BRK1: variants seen among roughly 807,000 people sequenced by gnomAD.
The protein encoded by BRK1 is BRICK1 subunit of SCAR/WAVE actin nucleating complex, also known as protein BRICK1.
A neutral mutation model predicts 9.9 loss-of-function variants in BRK1; 6 were observed. That is an observed-to-expected ratio of 0.60 (90% CI 0.33 to 1.19). BRK1 has a LOEUF of 1.19. Ranked by LOEUF, BRK1 falls within the 50% of genes most tolerant of loss-of-function variation. BRK1 has a pLI of 0.04. For synonymous variants in BRK1, 44 were observed against 31.9 expected (o/e 1.38, Z -1.28); for missense variants, 62 against 97.5 (o/e 0.64, Z 1.53).
Position 10,119,699 on chromosome 3 carries a change from A to G in BRK1, c.118+3880A>G, listed in dbSNP as rs576068205. Reference sequence around the variant, plus strand: ...ATACAAATCGTAATGTAGCAAAAATATCATAACACTAGGCCTATTTTGCAC... The same window carrying G: ...ATACAAATCGTAATGTAGCAAAAATGTCATAACACTAGGCCTATTTTGCAC... On this transcript the variant is annotated intron_variant, in intron 1 of 2. Transcript: ENST00000530758. 9.9e-5 allele frequency among the ~76,000 whole-genome samples: 15 copies of G among 152,218 alleles called. No individual in the cohort carries two copies. The South Asian group carries it at 2.9e-3, about 29-fold the overall frequency.
intron 1 of BRK1, among the ~76,000 whole-genome samples, chr3:10,123,889 C>T (rs1695800014): frequency 1.3e-5 from 2 of 151,518 alleles, no homozygotes; most frequent in Admixed American, 1.3e-4. Flanking sequence ...GCACCCGCCA[C>T]CACACCCAGC....
intron 1 of BRK1, 117 bp from the exon 2 acceptor site, chr3:10,125,488 CTATGAGTGGATCTTAGCACTG>C: frequency 1.7e-6 from 1 of 580,290 alleles, no homozygotes; most frequent in Non-Finnish European, 3.1e-6. Context: ...AGCAACTGTG[CTATGAGTGGATCTTAGCACTG>C]TATCCATTTC....
intron 2 of BRK1, 86 bp downstream of exon 2, chr3:10,125,794 G>T: frequency 9.7e-7 from 1 of 1,028,818 alleles, no homozygotes; most frequent in South Asian, 1.5e-5. Context: ...AACAGTCTTA[G>T]GAAACTTAAG....
intron 1 of BRK1, among the ~76,000 whole-genome samples, chr3:10,122,856 A>C (rs1043668542): frequency 5.3e-5 from 8 of 152,236 alleles, no homozygotes; most frequent in African/African-American, 1.9e-4. Context: ...AAGATGAGTA[A>C]GATTTGGACA....
At position 10,115,721 on chromosome 3, in the gene BRK1, C is replaced by T. The variant is rs915153051; in HGVS notation, c.20C>T (p.Pro7Leu). Residue 7 changes from proline to leucine, a missense_variant, in exon 1 of 3, where the codon CCG (proline) becomes CTG (leucine). Transcript: ENST00000530758. ...GCGGCCATGGCGGGACAGGAGGATC[C>T]GGTGCAGCGGGAGATTCACCAGGAC... Reference protein sequence around the residue: MAGQEDPVQREIHQDWA... With the variant: MAGQEDLVQREIHQDWA... 7 of 1,613,762 alleles carry T rather than the reference C, an allele frequency of 4.3e-6. No homozygotes were observed. The highest frequency in any genetic ancestry group is 1.3e-5 in the African/African-American group (1 of 74,936).
chr3:10,125,840 C>T (rs1695832340), intron 2 of BRK1, 132 bp downstream of exon 2: 1 of 641,830 alleles, frequency 1.6e-6, no homozygotes, highest in Non-Finnish European at 2.7e-6. Flanking sequence ...CCTGTAATCC[C>T]AGCACTTTGG....
intron 1 of BRK1, among the ~76,000 whole-genome samples, chr3:10,118,725 G>A (rs1388441580): frequency 6.6e-6 from 1 of 152,064 alleles, no homozygotes; most frequent in Non-Finnish European, 1.5e-5. Context: ...GGCCTCAAGT[G>A]ATCCACCTCT....
At chr3:10,125,530 C>G in intron 1 of BRK1, 96 bp from the exon 2 acceptor site, 1 of 724,870 alleles carries the variant, frequency 1.4e-6, no homozygotes, top group East Asian at 2.8e-5. Flanking sequence ...CATTTGTATT[C>G]TGTGTATTAT....
chr3:10,126,492 C>G lies in BRK1; in HGVS notation c.*197C>G. 1 of 484,976 alleles carries G rather than the reference C, an allele frequency of 2.1e-6. No homozygotes were observed. Among genetic ancestry groups the G allele is most frequent in the East Asian group, 3.3e-5 (1 of 30,422 alleles). 30.0% of individuals were successfully genotyped at this position (484,976 alleles called of 1,614,324 possible). A position where few individuals can be genotyped will look rare whatever the true frequency, so the allele number is the denominator to read the frequency against. On this transcript the variant is annotated 3_prime_UTR_variant, in exon 3 of 3. Transcript: ENST00000530758. Reference sequence around the variant, plus strand: ...GTATGTGGGAAGAAGTTCAGAGGAACCGTTGGAAACGACGTTAGGCATTTT... The same window carrying G: ...GTATGTGGGAAGAAGTTCAGAGGAAGCGTTGGAAACGACGTTAGGCATTTT...
chr3:10,119,099 G>A (rs1247026937), intron 1 of BRK1, among the ~76,000 whole-genome samples: 1 of 146,982 alleles, frequency 6.8e-6, no homozygotes, highest in Non-Finnish European at 1.5e-5. Context: ...CTCTGCACTC[G>A]CGCCACTGCA....
intron 1 of BRK1, among the ~76,000 whole-genome samples, chr3:10,116,667 A>T (rs1337641686): frequency 6.6e-6 from 1 of 152,180 alleles, no homozygotes; most frequent in Non-Finnish European, 1.5e-5. Context: ...GGATATAGGG[A>T]CTAGTGTACT....
At chr3:10,115,979 T>A (rs1695679726) in intron 1 of BRK1, among the ~76,000 whole-genome samples, 160 bp downstream of exon 1, 1 of 151,954 alleles carries the variant, frequency 6.6e-6, no homozygotes, top group Non-Finnish European at 1.5e-5. Context: ...GCCCTGACCC[T>A]CAGGCTCCCG....
At chr3:10,119,135 C>A (rs1695724423) in intron 1 of BRK1, among the ~76,000 whole-genome samples, 1 of 142,300 alleles carries the variant, frequency 7.0e-6, no homozygotes, top group Admixed American at 7.1e-5. Context: ...AAGAGCAAGA[C>A]TCCATCTCAA....
intron 1 of BRK1, among the ~76,000 whole-genome samples, chr3:10,120,041 T>TC (rs1005083593): frequency 3.5e-4 from 53 of 152,188 alleles, no homozygotes; most frequent in African/African-American, 1.2e-3. Context: ...GTTTTTGTTT[T>TC]TTTTTTGAGA....
intron 1 of BRK1, among the ~76,000 whole-genome samples, chr3:10,123,732 C>CTT (rs71626962): frequency 0.014 from 694 of 48,686 alleles, 68 homozygotes; most frequent in Middle Eastern, 0.026. Flanking sequence ...CGTGCCTGGC[C>CTT]TTTTTTTTTT....
intron 1 of BRK1, among the ~76,000 whole-genome samples, chr3:10,118,547 G>T (rs961043138): frequency 3.9e-5 from 6 of 151,976 alleles, no homozygotes; most frequent in Admixed American, 3.9e-4. Context: ...AAGTGCAGTG[G>T]CATGATCTCG....
At position 10,125,651 on chromosome 3, in the gene BRK1, A is replaced by G; in HGVS notation, c.144A>G (p.Ala48=). 1 of 1,612,690 alleles carries G rather than the reference A, an allele frequency of 6.2e-7. No homozygotes were observed. Among genetic ancestry groups the G allele is most frequent in the Non-Finnish European group, 8.5e-7 (1 of 1,179,328 alleles). The change falls in exon 2 of 3, where the codon GCA becomes GCG. Residue 48 remains alanine, a synonymous_variant. Coordinates refer to ENST00000530758, the MANE Select transcript of BRK1 (RefSeq NM_018462.5). The stretch of plus-strand genomic sequence containing the variant: ...ATATGTCTTGTCGTTCAAGACTTGC[A>G]ACACTAAACGAGAAATTGACAGCCC... ...SFDMSCRSRL[A]TLNEKLTALE... is the part of the protein sequence containing the mutation.
At chr3:10,124,329 G>A (rs1048625213) in intron 1 of BRK1, among the ~76,000 whole-genome samples, 1 of 150,220 alleles carries the variant, frequency 6.7e-6, no homozygotes, top group African/African-American at 2.4e-5. Flanking sequence ...GCATGGTGGC[G>A]CACACCTGTA....
At chr3:10,125,882 G>A (rs1695833139) in intron 2 of BRK1, among the ~76,000 whole-genome samples, 174 bp downstream of exon 2, 1 of 152,166 alleles carries the variant, frequency 6.6e-6, no homozygotes, top group African/African-American at 2.4e-5. Context: ...CTTGAGGTCA[G>A]GAGTTCGAGT....
Sources: allele counts gnomAD v4.1 joint callset (sites outside exome capture counted in the v4.1 genomes callset), GRCh38; gene constraint gnomAD v4.1.1; transcripts MANE v1.5; gene names NCBI Gene and HGNC (gene_info 2026-07-23, HGNC 2026-07-21).